The following SEMA6C variants were observed in gnomAD, a reference collection of about 807,000 sequenced individuals.
The protein encoded by SEMA6C is semaphorin-6C.
A neutral mutation model predicts 72.9 loss-of-function variants in SEMA6C; 37 were observed. The ratio of observed to expected loss-of-function variants is 0.51; its 90% confidence interval spans 0.39 to 0.67. The LOEUF is 0.67. Among genes scored for constraint, SEMA6C ranks in the 30% least tolerant of loss-of-function variants. The probability of loss-of-function intolerance (pLI) is 0.00; values close to 1 mark genes in which losing one functional copy is unlikely to be tolerated. For missense variants in SEMA6C, 1,189 were observed against 1,263.6 expected, an observed-to-expected ratio of 0.94 and a Z score of 0.89; for synonymous variants, 578 against 554.1, an observed-to-expected ratio of 1.04 and a Z score of -0.61.
rs781565544 is a variant in SEMA6C at position 151,135,730 on chromosome 1, C to A, written c.1294G>T (p.Ala432Ser). The A allele has an allele frequency of 1.4e-5, 22 of 1,614,164 alleles. No homozygotes were observed. The highest frequency in any genetic ancestry group is 1.7e-5 in the Non-Finnish European group (20 of 1,179,994). The change falls in exon 14 of 19, where the codon GCT (alanine) becomes TCT (serine). Residue 432 changes from alanine to serine, a missense_variant. By Grantham distance (99) the Ala-to-Ser change is moderately conservative. Around this residue, in one of 2 missense-constraint regions of SEMA6C, gnomAD observed 468 missense variants for 577.4 expected, o/e 0.81. Transcript: ENST00000368914. Reference protein sequence around the residue: ...LLTQVAVDGMAGPHSNITVMF... With the variant: ...LLTQVAVDGMSGPHSNITVMF... ...ACTGTGATGTTACTGTGGGGACCAG[C>A]CATGCCATCCACAGCTACTTGGGTC... is the stretch of plus-strand genomic sequence containing the variant.
chr1:151,138,197 C>T, intron 8 of SEMA6C, 92 bp from the exon 9 acceptor site: 1 of 1,586,192 alleles, frequency 6.3e-7, no homozygotes, highest in Non-Finnish European at 8.6e-7. Flanking sequence ...CTAGGCCTGG[C>T]CCTGGTCCCT....
chr1:151,132,785 G>T lies in SEMA6C; in HGVS notation c.2492C>A (p.Ala831Asp). The T allele has an allele frequency of 7.3e-7, 1 of 1,367,204 alleles. No individual in the cohort carries two copies. Among genetic ancestry groups the T allele is most frequent in the Non-Finnish European group, 9.5e-7 (1 of 1,055,610 alleles). The allele number at this position is 1,367,204 out of a possible 1,614,324, so 84.7% of individuals were successfully genotyped here. ...GGCGGAGAGCGCGGGCCGGGCGGGG[G>T]CAGAGGCGCACCTGCCCTCGGGGGG... ...DVPPEGRCASAPARPALSAPA... is the reference protein window; with the variant it reads ...DVPPEGRCASDPARPALSAPA... Residue 831 changes from alanine (A) to aspartate (D), a missense_variant, in exon 19 of 19, where the codon GCC (alanine) becomes GAC (aspartate). Physicochemically the swap from Ala to Asp is moderately radical, Grantham distance 126 (BLOSUM62 -2). Transcript: ENST00000368914.
chr1:151,140,861 G>C (rs969155618), intron 3 of SEMA6C, among the ~76,000 whole-genome samples: 2 of 152,128 alleles, frequency 1.3e-5, no homozygotes, highest in African/African-American at 2.4e-5. Context: ...AGCCAGGCGT[G>C]GTGGCGGGCG....
chr1:151,141,984 T>G (rs766152728), intron 3 of SEMA6C, among the ~76,000 whole-genome samples: 1 of 151,764 alleles, frequency 6.6e-6, no homozygotes, highest in Non-Finnish European at 1.5e-5. Flanking sequence ...ACACAGCTAG[T>G]GAGCAGCTTG....
intron 12 of SEMA6C, 122 bp from the exon 13 acceptor site, chr1:151,136,285 G>A (rs930885519): frequency 1.9e-5 from 28 of 1,479,250 alleles, no homozygotes; most frequent in Admixed American, 3.6e-5. Flanking sequence ...ACAGACACTC[G>A]TAGCACTGTC....
Position 151,136,960 on chromosome 1 carries a change from C to T in SEMA6C, c.871G>A (p.Gly291Arg), listed in dbSNP as rs760059933. Residue 291 changes from glycine (G) to arginine (R), a missense_variant, in exon 11 of 19, where the codon GGG becomes AGG. This residue lies in a region of SEMA6C where 468 missense variants were observed against 577.4 expected (regional missense o/e 0.81). Transcript: ENST00000368914. ...LKLRLNCSVP[G>R]DSTFYFDVLQ... The stretch of plus-strand genomic sequence containing the variant: ...ACATCAAAATAGAAAGTAGAGTCCC[C>T]AGGGACAGAGCAGTTGAGCCGAAGC... 6.2e-6 allele frequency: 10 copies of T among 1,614,048 alleles called. No homozygotes were observed. Among genetic ancestry groups the T allele is most frequent in the Admixed American group, 5.0e-5 (3 of 60,012 alleles).
At chr1:151,135,458 C>A in intron 14 of SEMA6C, 133 bp downstream of exon 14, 1 of 1,448,082 alleles carries the variant, frequency 6.9e-7, no homozygotes, top group Non-Finnish European at 9.4e-7. Context: ...AGTCTTCTCG[C>A]CAAGCCTGTC....
intron 2 of SEMA6C, 102 bp from the exon 3 acceptor site, chr1:151,142,777 G>A: frequency 1.7e-6 from 1 of 596,912 alleles, no homozygotes; most frequent in South Asian, 2.2e-5. Flanking sequence ...AAGACCCTGT[G>A]GGGTGGGGGA....
chr1:151,141,156 A>G (rs1321890010), intron 3 of SEMA6C, among the ~76,000 whole-genome samples: 2 of 152,206 alleles, frequency 1.3e-5, no homozygotes, highest in Non-Finnish European at 2.9e-5. Context: ...CGGAACTGCA[A>G]ATAGATAAAG....
At position 151,134,835 on chromosome 1, in the gene SEMA6C, T is replaced by A. The variant is rs1681888058; in HGVS notation, c.1621A>T (p.Ser541Cys). Residue 541 changes from serine (S) to cysteine (C), a missense_variant, in exon 16 of 19, where the codon AGC (serine) becomes TGC (cysteine). By Grantham distance (112) the Ser-to-Cys change is moderately radical. Coordinates refer to ENST00000368914, the MANE Select transcript of SEMA6C (RefSeq NM_030913.6). ...CTGATATCCACACAGCCCCTGGAGC[T>A]ATGCCATCCACAGTATGGGTCCTGA... Reference protein sequence around the residue: ...ASQDPYCGWHSSRGCVDIRGS... With the variant: ...ASQDPYCGWHCSRGCVDIRGS... The A allele has an allele frequency of 6.2e-7, 1 of 1,614,052 alleles. No homozygotes were observed. The highest frequency in any genetic ancestry group is 1.3e-5 in the African/African-American group (1 of 74,916).
rs201058150 is a variant in SEMA6C at position 151,139,707 on chromosome 1, G to C, written c.234-6C>G. 3 of 1,597,790 alleles carry C rather than the reference G, an allele frequency of 1.9e-6. No individual in the cohort carries two copies. The highest frequency in any genetic ancestry group is 2.2e-5 in the East Asian group (1 of 44,586). On this transcript the variant is annotated splice_polypyrimidine_tract_variant and splice_region_variant and intron_variant, in intron 4 of 18. Transcript: ENST00000368914. ...CGAAGGAGAAAACGTGATCCCTGAGGGGGTAGGTAAGGAGGGGTCAGAGCC... is the reference window on the plus strand; with the variant it reads ...CGAAGGAGAAAACGTGATCCCTGAGCGGGTAGGTAAGGAGGGGTCAGAGCC...
At position 151,136,442 on chromosome 1, in the gene SEMA6C, G is replaced by C; in HGVS notation, c.1106+6C>G. 6.2e-7 allele frequency: 1 copy of C among 1,611,988 alleles called. No homozygotes were observed. Among genetic ancestry groups the C allele is most frequent in the African/African-American group, 1.3e-5 (1 of 74,810 alleles). ...GCCCCCACAAAAACAACTCCATCCT[G>C]GGTACCTGGGTGAGGGAACTCTGTC... On this transcript the variant is annotated splice_donor_region_variant and intron_variant, in intron 12 of 18. Transcript: ENST00000368914.
chr1:151,136,156 AT>A lies in SEMA6C; in HGVS notation c.1113del (p.Ser372ProfsTer5). The A allele has an allele frequency of 6.2e-7, 1 of 1,613,646 alleles. No homozygotes were observed. The highest frequency in any genetic ancestry group is 8.5e-7 in the Non-Finnish European group (1 of 1,179,910). ...GCAGCTCCCCCTACTCCTGCACAGGATCCTGGCCTGGTGGGTGAATGGGAAG... is the reference window on the plus strand; with the variant it reads ...GCAGCTCCCCCTACTCCTGCACAGGACCTGGCCTGGTGGGTGAATGGGAAG... ...SEDRVPSPRP[G>X]SCAGVGGAAL... On this transcript the variant is annotated frameshift_variant, in exon 13 of 19. Coordinates refer to ENST00000368914, the MANE Select transcript of SEMA6C (RefSeq NM_030913.6). LOFTEE classifies it high-confidence loss of function.
At chr1:151,134,525 G>A in intron 17 of SEMA6C, 80 bp from the exon 18 acceptor site, 4 of 1,605,214 alleles carry the variant, frequency 2.5e-6, no homozygotes, top group Admixed American at 1.7e-5. Flanking sequence ...GCCACAGAAG[G>A]AGAGAAGGAC....
In SEMA6C at chr1:151,133,527, G is replaced by A. The variant is rs1280704086; in HGVS notation, c.1760-10C>T. ...AGGTCCCGGCGCACGCCTGCCGACC[G>A]AGAGGGAGGAGGGAGGCTCAGCCAA... On this transcript the variant is annotated splice_polypyrimidine_tract_variant and intron_variant, in intron 18 of 18. Coordinates refer to ENST00000368914, the MANE Select transcript of SEMA6C (RefSeq NM_030913.6). This position sits in a 1 kb window ranked among gnomAD's most constrained non-coding sequence, Gnocchi z 5.9. The A allele has an allele frequency of 1.3e-6, 2 of 1,497,462 alleles. No homozygotes were observed. Among genetic ancestry groups the A allele is most frequent in the Admixed American group, 2.2e-5 (1 of 45,444 alleles). 92.8% of individuals were successfully genotyped at this position (1,497,462 alleles called of 1,614,324 possible). A position where few individuals can be genotyped will look rare whatever the true frequency, so the allele number is the denominator to read the frequency against.
chr1:151,134,449 T>C lies in SEMA6C; in HGVS notation c.1715-4A>G. The C allele has an allele frequency of 6.2e-7, 1 of 1,604,250 alleles. No individual in the cohort carries two copies. The highest frequency in any genetic ancestry group is 1.7e-5 in the Admixed American group (1 of 58,270). On this transcript the variant is annotated splice_region_variant and splice_polypyrimidine_tract_variant and intron_variant, in intron 17 of 18. Transcript: ENST00000368914. ...GACTGACTCCCAGTAGCTCCATCTA[T>C]GAAGAAGGGACAGGGTGAAGATGGG...
Position 151,133,860 on chromosome 1 carries a change from C to G in SEMA6C, c.1760-343G>C. ...CTGGGGAAGGGAGGCTCCAAACAGG[C>G]GTTAGTGAGCACCAAACACCATTCA... is the stretch of plus-strand genomic sequence containing the variant. On this transcript the variant is annotated intron_variant, in intron 18 of 18. Transcript: ENST00000368914. This position sits in a 1 kb window ranked among gnomAD's most constrained non-coding sequence, Gnocchi z 5.9. 1 of 1,085,316 alleles carries G rather than the reference C, an allele frequency of 9.2e-7. No homozygotes were observed. The highest frequency in any genetic ancestry group is 1.3e-6 in the Non-Finnish European group (1 of 745,098). 67.2% of individuals were successfully genotyped at this position (1,085,316 alleles called of 1,614,324 possible).
chr1:151,134,013 G>A (rs1681804520), intron 18 of SEMA6C: 1 of 1,539,682 alleles, frequency 6.5e-7, no homozygotes, highest in East Asian at 2.4e-5. Context: ...GGCATCACTG[G>A]GAGGACTGGG....
At chr1:151,134,328 C>G in intron 18 of SEMA6C, 73 bp downstream of exon 18, 2 of 1,393,266 alleles carry the variant, frequency 1.4e-6, no homozygotes, top group South Asian at 1.2e-5. Context: ...TGCTGCTCTG[C>G]TGCTGCTACA....
Sources: gnomAD v4.1 joint callset for allele counts (sites outside exome capture counted in the v4.1 genomes callset) on GRCh38, gnomAD v4.1.1 for gene constraint, gnomAD v4.1.1 regional missense constraint, Gnocchi (gnomAD v3.1) non-coding constraint, MANE v1.5 for transcripts, NCBI Gene and HGNC (gene_info 2026-07-23, HGNC 2026-07-21) for gene names.